The following CCDC146 variants were observed in gnomAD, a reference collection of about 807,000 sequenced individuals.
CCDC146 encodes the protein coiled-coil domain-containing protein 146.
CCDC146 carries 92 observed loss-of-function variants against 119.3 expected under a neutral mutation model. The ratio of observed to expected loss-of-function variants is 0.77; its 90% CI spans 0.65 to 0.92. The LOEUF is 0.92. Ranked by LOEUF, CCDC146 falls within the 40% of genes least tolerant of loss-of-function variation. The pLI is 0.00. For synonymous variants in CCDC146, 372 were observed against 371.8 expected, an observed-to-expected ratio of 1.00 and a Z score of -0.01; for missense variants, 1,000 against 1,103.0, an observed-to-expected ratio of 0.91 and a Z score of 1.32.
intron 9 of CCDC146, among the ~76,000 whole-genome samples, chr7:77,271,884 TA>T (rs1311754819): frequency 2.6e-5 from 4 of 152,020 alleles, no homozygotes; most frequent in Non-Finnish European, 5.9e-5. Context: ...TTAGTTGACA[TA>T]GTAGCTAGTG....
intron 9 of CCDC146, among the ~76,000 whole-genome samples, chr7:77,271,958 G>A (rs1246830151): frequency 6.6e-6 from 1 of 152,094 alleles, no homozygotes; most frequent in East Asian, 1.9e-4. Context: ...TGTTATTCAC[G>A]TTTACATCTG....
rs1481126778 is a variant in CCDC146 at position 77,196,793 on chromosome 7, T to C, written c.156+28969T>C. On this transcript the variant is annotated intron_variant, in intron 2 of 18. Transcript: ENST00000285871. The surrounding 1 kb of genome is among the most constrained non-coding windows in gnomAD (Gnocchi z 4.2). ...GTTTCCAAAGCCTGCTTTGTAGTCT[T>C]GCCATGTTCTGGTGAAGTTGGTGCT... The C allele has an allele frequency of 4.3e-6, 7 of 1,614,082 alleles. No homozygotes were observed. In the African/African-American group the frequency reaches 9.3e-5, roughly 22 times the overall value.
chr7:77,191,403 A>G (rs965449196), intron 2 of CCDC146, among the ~76,000 whole-genome samples: 2 of 152,084 alleles, frequency 1.3e-5, no homozygotes, highest in African/African-American at 4.8e-5. Flanking sequence ...TTTAGAGTAC[A>G]ACTCTTTCTC....
intron 2 of CCDC146, among the ~76,000 whole-genome samples, chr7:77,169,245 C>T (rs35906589): frequency 2.0e-5 from 3 of 151,826 alleles, no homozygotes; most frequent in Admixed American, 6.6e-5. Flanking sequence ...GACACAATCT[C>T]GTATCCTTCT....
At chr7:77,281,749 G>C (rs1562861437) in intron 14 of CCDC146, among the ~76,000 whole-genome samples, 1 of 152,170 alleles carries the variant, frequency 6.6e-6, no homozygotes, top group East Asian at 1.9e-4. Context: ...GCAATTAAAG[G>C]AGGAACTCTG....
chr7:77,237,481 G>A (rs1485223985), intron 3 of CCDC146, among the ~76,000 whole-genome samples: 2 of 152,202 alleles, frequency 1.3e-5, no homozygotes, highest in Non-Finnish European at 2.9e-5. Context: ...AGGGACACAG[G>A]TGCTGCTGAT....
chr7:77,226,182 A>G (rs1792509923), intron 2 of CCDC146, among the ~76,000 whole-genome samples: 1 of 152,174 alleles, frequency 6.6e-6, no homozygotes, highest in Admixed American at 6.5e-5. Context: ...AACTACTTGA[A>G]ATGGCCGTAT....
chr7:77,135,544 G>A (rs1458120953), intron 1 of CCDC146, among the ~76,000 whole-genome samples: 1 of 152,154 alleles, frequency 6.6e-6, no homozygotes, highest in Non-Finnish European at 1.5e-5. Flanking sequence ...AAAGTTGGTA[G>A]TGTTTTTCCA....
At chr7:77,249,314 C>A (rs1291826959) in intron 4 of CCDC146, among the ~76,000 whole-genome samples, 5 of 151,902 alleles carry the variant, frequency 3.3e-5, no homozygotes, top group Non-Finnish European at 7.4e-5. Flanking sequence ...ATGGTGAAAC[C>A]CTGTCTCTAC....
chr7:77,242,027 C>T (rs1792859412), intron 4 of CCDC146, 127 bp downstream of exon 4: 4 of 684,364 alleles, frequency 5.8e-6, no homozygotes, highest in Non-Finnish European at 7.5e-6. Flanking sequence ...AAACCTAGTT[C>T]TCTTGATTCC....
chr7:77,243,347 T>A (rs1254137078), intron 4 of CCDC146, among the ~76,000 whole-genome samples: 1 of 152,244 alleles, frequency 6.6e-6, no homozygotes, highest in Non-Finnish European at 1.5e-5. Flanking sequence ...ATGTTTAGTG[T>A]GTATTCTTTT....
At chr7:77,126,981 G>C (rs1790697443) in intron 1 of CCDC146, among the ~76,000 whole-genome samples, 1 of 152,076 alleles carries the variant, frequency 6.6e-6, no homozygotes, top group Non-Finnish European at 1.5e-5. Flanking sequence ...ATGGCCCCAG[G>C]GCTCAACCCC....
intron 1 of CCDC146, among the ~76,000 whole-genome samples, chr7:77,160,928 A>G (rs1193124230): frequency 6.6e-6 from 1 of 152,184 alleles, no homozygotes; most frequent in Non-Finnish European, 1.5e-5. Flanking sequence ...ATGAACTCAA[A>G]CAAATTTACA....
chr7:77,287,534 A>C lies in CCDC146; in HGVS notation c.2372A>C (p.Lys791Thr). The C allele has an allele frequency of 6.2e-7, 1 of 1,614,000 alleles. No individual in the cohort carries two copies. The highest frequency in any genetic ancestry group is 8.5e-7 in the Non-Finnish European group (1 of 1,179,992). The stretch of plus-strand genomic sequence containing the variant: ...AGGCTCACAGACAGGCTCTGCAGCA[A>C]AACTCAGGGCTGCAAGCAGGACACA... ...VSRLTDRLCS[K>T]TQGCKQDTLL... is the part of the protein sequence containing the mutation. The change falls in exon 17 of 19, where the codon AAA becomes ACA. Residue 791 changes from lysine (K) to threonine (T), a missense_variant. Physicochemically the swap from Lys to Thr is moderately conservative, Grantham distance 78. This residue lies in a region of CCDC146 where 985 missense variants were observed against 1,045.3 expected (regional missense o/e 0.94). Transcript: ENST00000285871.
chr7:77,241,934 G>A (rs1386820223), intron 4 of CCDC146, 34 bp downstream of exon 4: 1 of 1,520,994 alleles, frequency 6.6e-7, no homozygotes, highest in Admixed American at 1.7e-5. Flanking sequence ...ACACTGAAAA[G>A]TCTTTTCCTC....
At chr7:77,288,124 A>G (rs899837072) in intron 17 of CCDC146, among the ~76,000 whole-genome samples, 1 of 152,182 alleles carries the variant, frequency 6.6e-6, no homozygotes, top group African/African-American at 2.4e-5. Flanking sequence ...GCAGATCCAG[A>G]GCCTCAGGGT....
Position 77,170,236 on chromosome 7 carries a change from T to G in CCDC146, c.156+2412T>G, listed in dbSNP as rs558595364. On this transcript the variant is annotated intron_variant, in intron 2 of 18. Transcript: ENST00000285871. ...AAATGAGAATATGCAGTGTCTGGCT[T>G]TCTTTTCCTGCATTAATTCACTCAG... is the stretch of plus-strand genomic sequence containing the variant. Among the ~76,000 whole-genome samples, 3 of 152,320 alleles carry G rather than the reference T, an allele frequency of 2.0e-5. No individual in the cohort carries two copies. The South Asian group carries it at 6.2e-4, about 32-fold the overall frequency.
intron 1 of CCDC146, among the ~76,000 whole-genome samples, chr7:77,164,156 C>G (rs1351516145): frequency 7.2e-5 from 11 of 151,986 alleles, no homozygotes; most frequent in Admixed American, 3.9e-4. Context: ...AGTCACCATG[C>G]CTGGCCTTTG....
chr7:77,282,984 CTT>C (rs1793790316), intron 15 of CCDC146, among the ~76,000 whole-genome samples, 199 bp downstream of exon 15: 1 of 152,174 alleles, frequency 6.6e-6, no homozygotes. Flanking sequence ...TACACATTGT[CTT>C]TTTTTCTTAT....
Sources: gnomAD v4.1 joint callset for allele counts (sites outside exome capture counted in the v4.1 genomes callset) on GRCh38, gnomAD v4.1.1 for gene constraint, gnomAD v4.1.1 regional missense constraint, Gnocchi (gnomAD v3.1) non-coding constraint, MANE v1.5 for transcripts, NCBI Gene and HGNC (gene_info 2026-07-23, HGNC 2026-07-21) for gene names.